Variants in LAT2 observed in about 807,000 individuals in gnomAD.
LAT2 encodes the protein linker for activation of T-cells family member 2.
In LAT2, 23 loss-of-function variants were observed where a neutral mutation model predicts 43.4. The ratio of observed to expected loss-of-function variants is 0.53; its 90% CI spans 0.38 to 0.75. LAT2 has a LOEUF of 0.75. Among genes scored for constraint, LAT2 ranks in the 30% least tolerant of loss-of-function variants. The pLI is 0.00. For synonymous variants in LAT2, 128 were observed against 123.2 expected (o/e 1.04, Z -0.26); for missense variants, 284 against 310.2 (o/e 0.92, Z 0.64).
At chr7:74,219,814 G>A (rs782478578) in intron 5 of LAT2, 27 bp downstream of exon 5, 1 of 1,613,752 alleles carries the variant, frequency 6.2e-7, no homozygotes, top group South Asian at 1.1e-5. Flanking sequence ...CCCCGGGTTG[G>A]GCTCTGGGTT....
At chr7:74,227,763 C>T (rs1802542968) in intron 13 of LAT2, among the ~76,000 whole-genome samples, 1 of 152,094 alleles carries the variant, frequency 6.6e-6, no homozygotes, top group Non-Finnish European at 1.5e-5. Context: ...GTCCCAGCTA[C>T]TCGGAGGTTG....
intron 4 of LAT2, 48 bp from the exon 5 acceptor site, chr7:74,219,696 G>T (rs1307261749): frequency 3.1e-6 from 5 of 1,611,828 alleles, no homozygotes; most frequent in Non-Finnish European, 4.2e-6. Flanking sequence ...TGTGTTCTTG[G>T]GCTGTGGGAG....
intron 10 of LAT2, among the ~76,000 whole-genome samples, chr7:74,221,971 G>T (rs1444677547): frequency 2.0e-5 from 3 of 152,002 alleles, no homozygotes; most frequent in African/African-American, 7.3e-5. Flanking sequence ...GGGGAGGCCA[G>T]GTCCTTGTCA....
At position 74,220,128 on chromosome 7, in the gene LAT2, A is replaced by C; in HGVS notation, c.228-89A>C. On this transcript the variant is annotated intron_variant, in intron 6 of 13. Transcript: ENST00000460943. This position sits in a 1 kb window ranked among gnomAD's most constrained non-coding sequence, Gnocchi z 4.5. Reference sequence around the variant, plus strand: ...CCAGAGCTCCAGGGCTCAGCTATGAAGGCCCCACAAGGGGTATGGGGGGAT... The same window carrying C: ...CCAGAGCTCCAGGGCTCAGCTATGACGGCCCCACAAGGGGTATGGGGGGAT... The C allele has an allele frequency of 5.8e-6, 9 of 1,555,652 alleles. No individual in the cohort carries two copies. Among genetic ancestry groups the C allele is most frequent in the Non-Finnish European group, 7.9e-6 (9 of 1,139,370 alleles).
rs1563968703 is a variant in LAT2, at chr7:74,214,766, TATATATATAA to T, written c.-218-46_-218-37del. ...ATATATAAATATATATATATAAACA[TATATATATAA>T]ATATATATATATATATTTTTTTTTT... On this transcript the variant is annotated intron_variant, in intron 1 of 13. Transcript: ENST00000460943. 17 of 51,650 alleles carry T rather than the reference TATATATATAA, an allele frequency of 3.3e-4. 1 individual carries two copies. The highest frequency in any genetic ancestry group is 3.5e-4 in the Admixed American group (1 of 2,862). 3.2% of individuals were successfully genotyped at this position (51,650 alleles called of 1,614,324 possible).
chr7:74,220,700 G>T lies in LAT2; in HGVS notation c.302-4G>T. 1 of 1,608,618 alleles carries T rather than the reference G, an allele frequency of 6.2e-7. No individual in the cohort carries two copies. The highest frequency in any genetic ancestry group is 1.1e-5 in the South Asian group (1 of 90,956). ...TCAGGCCCAATTCTCGCCTCCTCCC[G>T]CAGGAAGCAGACACGGGTCGGAGGA... On this transcript the variant is annotated splice_polypyrimidine_tract_variant and splice_region_variant and intron_variant, in intron 8 of 13. Transcript: ENST00000460943. The surrounding 1 kb of genome is among the most constrained non-coding windows in gnomAD (Gnocchi z 4.5).
rs1184038769 is a variant in LAT2 at position 74,214,899 on chromosome 7, A to G, written c.-141A>G. 4 of 146,898 alleles carry G rather than the reference A, an allele frequency of 2.7e-5. No individual in the cohort carries two copies. The highest frequency in any genetic ancestry group is 1.4e-4 in the Admixed American group (2 of 14,346). 9.1% of individuals were successfully genotyped at this position (146,898 alleles called of 1,614,324 possible). ...CGATCCTCCCTGCCTCGGCCTCCCAACGTGCTGGGATTATAGGCGTGAGCC... is the reference window on the plus strand; with the variant it reads ...CGATCCTCCCTGCCTCGGCCTCCCAGCGTGCTGGGATTATAGGCGTGAGCC... On this transcript the variant is annotated 5_prime_UTR_variant, in exon 2 of 14. Coordinates refer to ENST00000460943, the MANE Select transcript of LAT2 (RefSeq NM_032464.3).
At chr7:74,216,468 T>C (rs1207080965) in intron 3 of LAT2, among the ~76,000 whole-genome samples, 2 of 151,942 alleles carry the variant, frequency 1.3e-5, no homozygotes, top group Admixed American at 6.6e-5. Flanking sequence ...AACTCTCGGG[T>C]TGAAGCGATT....
intron 11 of LAT2, 48 bp from the exon 12 acceptor site, chr7:74,223,970 T>G (rs1584226599): frequency 6.3e-7 from 1 of 1,582,852 alleles, no homozygotes. Context: ...TGGCTCCTGG[T>G]GCCTCTGTGG....
rs1563972647 is a variant in LAT2, at chr7:74,219,944, T to A, written c.179-16T>A. The A allele has an allele frequency of 6.8e-6, 11 of 1,613,508 alleles. No homozygotes were observed. The highest frequency in any genetic ancestry group is 9.3e-6 in the Non-Finnish European group (11 of 1,179,980). On this transcript the variant is annotated splice_polypyrimidine_tract_variant and intron_variant, in intron 5 of 13. Transcript: ENST00000460943. The stretch of plus-strand genomic sequence containing the variant: ...GCTGGGGGCCCAGCCAACACCCCAC[T>A]TCTTGCCCTTTGTAGTGGTCGGGCA...
chr7:74,223,350 C>T (rs1001217464), intron 10 of LAT2, among the ~76,000 whole-genome samples: 1 of 152,176 alleles, frequency 6.6e-6, no homozygotes, highest in Admixed American at 6.5e-5. Context: ...GTTAGCTGGG[C>T]GTGGTGGTGC....
At chr7:74,213,771 C>T (rs1451421741) in intron 1 of LAT2, among the ~76,000 whole-genome samples, 1 of 151,924 alleles carries the variant, frequency 6.6e-6, no homozygotes, top group East Asian at 1.9e-4. Context: ...CCTCACCTTC[C>T]CCAGCTGTGG....
intron 4 of LAT2, among the ~76,000 whole-genome samples, chr7:74,219,003 T>C (rs1458255541): frequency 6.8e-5 from 9 of 132,966 alleles, no homozygotes; most frequent in South Asian, 4.9e-4. Context: ...GGGTCTAGAG[T>C]GTGTGCTTTT....
rs781823269 is a variant in LAT2, at chr7:74,219,984, C to G, written c.203C>G (p.Pro68Arg). 1.2e-6 allele frequency: 2 copies of G among 1,613,646 alleles called. No homozygotes were observed. The highest frequency in any genetic ancestry group is 2.2e-5 in the South Asian group (2 of 91,090). The change falls in exon 6 of 14, where the codon CCC becomes CGC. Residue 68 changes from proline to arginine, a missense_variant. Physicochemically the swap from Pro to Arg is moderately radical, Grantham distance 103. Transcript: ENST00000460943. ...GTGGTCGGGCAGGCATGGCCAGGAC[C>G]CCTGGCGGACATGGCACCCACAAGG... ...YSLVGQAWPG[P>R]LADMAPTRKD...
chr7:74,220,054 G>A lies in LAT2; in HGVS notation c.227+46G>A. On this transcript the variant is annotated intron_variant, in intron 6 of 13. Coordinates refer to ENST00000460943, the MANE Select transcript of LAT2 (RefSeq NM_032464.3). This position sits in a 1 kb window ranked among gnomAD's most constrained non-coding sequence, Gnocchi z 4.5. ...AAGTGACAAGAATGAAAGTCCTGGAGGTCCTCACCTGGTGAGCCCAGGTCA... is the reference window on the plus strand; with the variant it reads ...AAGTGACAAGAATGAAAGTCCTGGAAGTCCTCACCTGGTGAGCCCAGGTCA... 1.2e-6 allele frequency: 2 copies of A among 1,606,450 alleles called. No homozygotes were observed. Among genetic ancestry groups the A allele is most frequent in the Non-Finnish European group, 1.7e-6 (2 of 1,175,436 alleles).
chr7:74,224,917 C>T (rs1217670218), intron 13 of LAT2, 157 bp downstream of exon 13: 8 of 556,236 alleles, frequency 1.4e-5, no homozygotes, highest in East Asian at 9.8e-5. Flanking sequence ...GGCAGCTTGG[C>T]GACTCTGTTC....
chr7:74,223,985 G>A, intron 11 of LAT2, 33 bp from the exon 12 acceptor site: 1 of 1,604,614 alleles, frequency 6.2e-7, no homozygotes, highest in Non-Finnish European at 8.5e-7. Flanking sequence ...CTGTGGGACT[G>A]AGCCAAGGGG....
chr7:74,210,965 G>C (rs573689915), intron 1 of LAT2, among the ~76,000 whole-genome samples: 1 of 152,056 alleles, frequency 6.6e-6, no homozygotes, highest in South Asian at 2.1e-4. Context: ...GGGTGGTCTC[G>C]AGCGTCCTTC....
intron 10 of LAT2, 128 bp downstream of exon 10, chr7:74,221,820 A>G (rs1802294868): frequency 1.8e-6 from 1 of 559,840 alleles, no homozygotes; most frequent in Non-Finnish European, 3.1e-6. Flanking sequence ...TTGGGTGGAC[A>G]GAAGGAGGCT....
Sources: allele counts gnomAD v4.1 joint callset (sites outside exome capture counted in the v4.1 genomes callset), GRCh38; gene constraint gnomAD v4.1.1; non-coding constraint Gnocchi (gnomAD v3.1); transcripts MANE v1.5; gene names NCBI Gene and HGNC (gene_info 2026-07-23, HGNC 2026-07-21).